The following MAPK8IP3 variants were observed in gnomAD, a reference collection of about 807,000 sequenced individuals.
MAPK8IP3 encodes C-Jun-amino-terminal kinase-interacting protein 3.
A neutral mutation model predicts 157.8 loss-of-function variants in MAPK8IP3; 49 were observed. The ratio of observed to expected loss-of-function variants is 0.31; its 90% CI spans 0.25 to 0.39. The LOEUF (loss-of-function observed/expected upper bound fraction) is 0.39. Among genes scored for constraint, MAPK8IP3 ranks in the 10% least tolerant of loss-of-function variants. The pLI is 1.00. For missense variants in MAPK8IP3, 1,478 were observed against 1,889.4 expected (o/e 0.78, Z 4.04); for synonymous variants, 897 against 777.7 (o/e 1.15, Z -2.55).
chr16:1,764,623 G>A (rs929636585), intron 19 of MAPK8IP3, among the ~76,000 whole-genome samples, 164 bp downstream of exon 19: 4 of 152,230 alleles, frequency 2.6e-5, no homozygotes, highest in African/African-American at 9.6e-5. Context: ...TCCCTCACCA[G>A]GACTGAGCCG....
chr16:1,719,215 T>A (rs1041792181), intron 1 of MAPK8IP3, among the ~76,000 whole-genome samples: 11 of 151,908 alleles, frequency 7.2e-5, no homozygotes, highest in African/African-American at 2.4e-4. Context: ...GTGACACTCC[T>A]GCCTCAGCAA....
chr16:1,734,717 G>A (rs1254829158), intron 4 of MAPK8IP3, among the ~76,000 whole-genome samples: 1 of 152,246 alleles, frequency 6.6e-6, no homozygotes, highest in African/African-American at 2.4e-5. Context: ...ATTCTGTCCT[G>A]CCACAACCTT....
intron 17 of MAPK8IP3, 32 bp from the exon 18 acceptor site, chr16:1,764,083 T>G: frequency 1.3e-6 from 2 of 1,561,004 alleles, no homozygotes; most frequent in Non-Finnish European, 1.7e-6. Flanking sequence ...GAGCCAGGGT[T>G]CGTGCCCACG....
intron 1 of MAPK8IP3, chr16:1,707,268 C>A (rs1339985846): frequency 6.6e-6 from 1 of 152,240 alleles, no homozygotes; most frequent in Non-Finnish European, 1.5e-5. Context: ...GTCTGTGACA[C>A]GGGTGAATTG....
chr16:1,762,484 G>A lies in MAPK8IP3; in HGVS notation c.1670+3G>A, dbSNP rs377182329. The A allele has an allele frequency of 1.9e-4, 309 of 1,611,588 alleles. 1 individual carries two copies. The South Asian group carries it at 3.1e-3, about 16-fold the overall frequency. On this transcript the variant is annotated splice_donor_region_variant and intron_variant, in intron 14 of 31. Transcript: ENST00000610761. ...GTGCGGTGGACTGAGATGATCAGGT[G>A]GGAGTTGCGGCCACCCCAGGAGGGG...
intron 1 of MAPK8IP3, among the ~76,000 whole-genome samples, chr16:1,718,823 G>T: frequency 6.6e-6 from 1 of 150,792 alleles, no homozygotes; most frequent in East Asian, 1.9e-4. Context: ...TCCACCCCCA[G>T]AAGCCCCATC....
intron 8 of MAPK8IP3, among the ~76,000 whole-genome samples, chr16:1,756,824 AAAAT>A (rs1451382516): frequency 3.3e-5 from 5 of 152,136 alleles, no homozygotes; most frequent in South Asian, 2.1e-4. Flanking sequence ...CCCGTCTCAA[AAAAT>A]AAATAAAGGC....
chr16:1,720,647 T>C (rs1202563290), intron 1 of MAPK8IP3, among the ~76,000 whole-genome samples: 1 of 152,270 alleles, frequency 6.6e-6, no homozygotes, highest in Non-Finnish European at 1.5e-5. Flanking sequence ...TTTCTGTTTT[T>C]ACCTAACACT....
chr16:1,753,267 A>T (rs1467838933), intron 8 of MAPK8IP3, among the ~76,000 whole-genome samples: 1 of 152,026 alleles, frequency 6.6e-6, no homozygotes, highest in Non-Finnish European at 1.5e-5. Flanking sequence ...CACCAATTTT[A>T]AGACTTTTTT....
At position 1,742,302 on chromosome 16, in the gene MAPK8IP3, C is replaced by T. The variant is rs968040152; in HGVS notation, c.603-1030C>T. Among the ~76,000 whole-genome samples the T allele has an allele frequency of 2.6e-5, 4 of 152,264 alleles. No individual in the cohort carries two copies. The highest frequency in any genetic ancestry group is 7.2e-5 in the African/African-American group (3 of 41,556). On this transcript the variant is annotated intron_variant, in intron 4 of 31. Coordinates refer to ENST00000610761, the MANE Select transcript of MAPK8IP3 (RefSeq NM_001318852.2). This position sits in a 1 kb window ranked among gnomAD's most constrained non-coding sequence, Gnocchi z 5.0. ...CTCTTGCTTATGGCCCACAGGAGGT[C>T]ATCCCTAGGGACTGAGCCCACAGCA... is the stretch of plus-strand genomic sequence containing the variant.
In MAPK8IP3 at chr16:1,741,724, G is replaced by A. The variant is rs1194471646; in HGVS notation, c.603-1608G>A. ...CTGGTGGCTGGCTGCCTTCACGGTGGCCAGGGAACCTCATGGCTGTTGTCA... is the reference window on the plus strand; with the variant it reads ...CTGGTGGCTGGCTGCCTTCACGGTGACCAGGGAACCTCATGGCTGTTGTCA... On this transcript the variant is annotated intron_variant, in intron 4 of 31. Coordinates refer to ENST00000610761, the MANE Select transcript of MAPK8IP3 (RefSeq NM_001318852.2). This position sits in a 1 kb window ranked among gnomAD's most constrained non-coding sequence, Gnocchi z 6.9. Among the ~76,000 whole-genome samples, 2 of 152,108 alleles carry A rather than the reference G, an allele frequency of 1.3e-5. No homozygotes were observed. Among genetic ancestry groups the A allele is most frequent in the East Asian group, 3.9e-4 (2 of 5,188 alleles).
In MAPK8IP3 at chr16:1,769,126, C is replaced by T. The variant is rs1035589171; in HGVS notation, c.*302C>T. On this transcript the variant is annotated 3_prime_UTR_variant, in exon 32 of 32. Transcript: ENST00000610761. ...CAGGGCACCTTGGGCCCAGCGCAGG[C>T]AGAATCCGAGGTGGTCCTGGCTCTA... is the stretch of plus-strand genomic sequence containing the variant. 2.3e-6 allele frequency: 1 copy of T among 432,342 alleles called. No homozygotes were observed. Among genetic ancestry groups the T allele is most frequent in the Non-Finnish European group, 4.3e-6 (1 of 234,162 alleles). The allele number at this position is 432,342 out of a possible 1,614,324, so 26.8% of individuals were successfully genotyped here.
intron 1 of MAPK8IP3, among the ~76,000 whole-genome samples, chr16:1,718,131 GT>G (rs1233408726): frequency 6.6e-6 from 1 of 151,868 alleles, no homozygotes; most frequent in African/African-American, 2.4e-5. Flanking sequence ...GGGATTACAG[GT>G]GTGAGCCACC....
chr16:1,742,049 C>T lies in MAPK8IP3; in HGVS notation c.603-1283C>T, dbSNP rs2040715773. Among the ~76,000 whole-genome samples the T allele has an allele frequency of 6.6e-6, 1 of 152,152 alleles. No individual in the cohort carries two copies. Among genetic ancestry groups the T allele is most frequent in the African/African-American group, 2.4e-5 (1 of 41,434 alleles). On this transcript the variant is annotated intron_variant, in intron 4 of 31. Transcript: ENST00000610761. The surrounding 1 kb of genome is among the most constrained non-coding windows in gnomAD (Gnocchi z 5.0). Reference sequence around the variant, plus strand: ...ACCCCTGAGGAAGCTCCCTTCCCTCCTACAGTCTCAGGGCTGAGATGTAAG... The same window carrying T: ...ACCCCTGAGGAAGCTCCCTTCCCTCTTACAGTCTCAGGGCTGAGATGTAAG...
chr16:1,770,318 G>C lies in MAPK8IP3; in HGVS notation c.*1494G>C, dbSNP rs1218381737. 2 of 297,874 alleles carry C rather than the reference G, an allele frequency of 6.7e-6. No homozygotes were observed. The highest frequency in any genetic ancestry group is 4.3e-5 in the African/African-American group (2 of 46,238). 18.5% of individuals were successfully genotyped at this position (297,874 alleles called of 1,614,324 possible). ...ATGTAATAAATGTCTTAACGTCGTA[G>C]CTGCCTGTTCCTGGGCCCAAATCGA... On this transcript the variant is annotated 3_prime_UTR_variant, in exon 32 of 32. Transcript: ENST00000610761.
At position 1,742,164 on chromosome 16, in the gene MAPK8IP3, C is replaced by T. The variant is rs940305387; in HGVS notation, c.603-1168C>T. ...CTCCAGCATCTGACCACGTGGCCTG[C>T]CCCCCAGACCTGAGGAGGTGAGGAG... On this transcript the variant is annotated intron_variant, in intron 4 of 31. Coordinates refer to ENST00000610761, the MANE Select transcript of MAPK8IP3 (RefSeq NM_001318852.2). This position sits in a 1 kb window ranked among gnomAD's most constrained non-coding sequence, Gnocchi z 5.0. 6.6e-6 allele frequency among the ~76,000 whole-genome samples: 1 copy of T among 152,132 alleles called. No homozygotes were observed. Among genetic ancestry groups the T allele is most frequent in the Non-Finnish European group, 1.5e-5 (1 of 68,018 alleles).
At chr16:1,721,760 C>CGTTTTGTTTT (rs892395345) in intron 1 of MAPK8IP3, among the ~76,000 whole-genome samples, 14 of 148,166 alleles carry the variant, frequency 9.4e-5, no homozygotes, top group African/African-American at 3.2e-4. Flanking sequence ...TTTGTTTTTT[C>CGTTTTGTTTT]GTTTTGTTTT....
In MAPK8IP3 at chr16:1,724,553, A is replaced by G. The variant is rs1434285912; in HGVS notation, c.319-4A>G. ...ACTGCTCTTTCCCTCCCTTCCATGC[A>G]CAGAAATTCATTGAGTTTGAAGATG... On this transcript the variant is annotated splice_polypyrimidine_tract_variant and splice_region_variant and intron_variant, in intron 1 of 31. Coordinates refer to ENST00000610761, the MANE Select transcript of MAPK8IP3 (RefSeq NM_001318852.2). This position sits in a 1 kb window ranked among gnomAD's most constrained non-coding sequence, Gnocchi z 4.1. The G allele has an allele frequency of 1.9e-6, 3 of 1,612,894 alleles. No individual in the cohort carries two copies. In the Admixed American group the frequency reaches 5.0e-5, roughly 27 times the overall value.
intron 8 of MAPK8IP3, among the ~76,000 whole-genome samples, chr16:1,757,340 G>A (rs2041665270): frequency 6.6e-6 from 1 of 152,184 alleles, no homozygotes; most frequent in African/African-American, 2.4e-5. Flanking sequence ...TCCTGACCTT[G>A]TGATCCGCCC....
Sources: gnomAD v4.1 joint callset for allele counts (sites outside exome capture counted in the v4.1 genomes callset) on GRCh38, gnomAD v4.1.1 for gene constraint, Gnocchi (gnomAD v3.1) non-coding constraint, MANE v1.5 for transcripts, NCBI Gene and HGNC (gene_info 2026-07-23, HGNC 2026-07-21) for gene names.